The following ATP9B variants were observed in gnomAD, a reference collection of about 807,000 sequenced individuals.
ATP9B encodes the protein ATPase phospholipid transporting 9B, also known as probable phospholipid-transporting ATPase IIB.
A neutral mutation model predicts 146.1 loss-of-function variants in ATP9B; 110 were observed. That is an observed-to-expected ratio of 0.75 (90% CI 0.65 to 0.88). The LOEUF (loss-of-function observed/expected upper bound fraction) is 0.88, where lower values mean the gene tolerates loss of function less well. Among genes scored for constraint, ATP9B ranks in the 40% least tolerant of loss-of-function variants. The pLI, the probability that ATP9B is intolerant of heterozygous loss-of-function variation, is 0.00. For missense variants in ATP9B, 1,499 were observed against 1,496.4 expected (o/e 1.00, Z -0.03); for synonymous variants, 604 against 569.7 (o/e 1.06, Z -0.86).
intron 15 of ATP9B, among the ~76,000 whole-genome samples, chr18:79,325,901 G>T (rs146212368): frequency 0.016 from 2,390 of 150,968 alleles, 22 homozygotes; most frequent in Non-Finnish European, 0.024. Context: ...CCCTCACATG[G>T]TGTTAGGGTG....
intron 7 of ATP9B, among the ~76,000 whole-genome samples, chr18:79,165,265 T>C (rs748506456): frequency 1.6e-4 from 24 of 152,356 alleles, no homozygotes; most frequent in Non-Finnish European, 2.9e-4. Context: ...TACTCTGTTA[T>C]GCCAGTTTGG....
chr18:79,236,972 G>A (rs551343105), intron 11 of ATP9B, among the ~76,000 whole-genome samples: 2 of 97,700 alleles, frequency 2.0e-5, no homozygotes, highest in African/African-American at 1.0e-4. Flanking sequence ...TACACAGTCC[G>A]TGCATGAATC....
chr18:79,335,694 A>G (rs1028555352), intron 17 of ATP9B, among the ~76,000 whole-genome samples: 1 of 152,104 alleles, frequency 6.6e-6, no homozygotes, highest in African/African-American at 2.4e-5. Flanking sequence ...CCTCCCCTCC[A>G]TCACTAACTG....
chr18:79,332,199 G>A (rs1600102415), intron 17 of ATP9B, among the ~76,000 whole-genome samples: 3 of 152,252 alleles, frequency 2.0e-5, no homozygotes, highest in East Asian at 3.8e-4. Flanking sequence ...GGAGGCCAAG[G>A]CGGGCAGATC....
intron 13 of ATP9B, among the ~76,000 whole-genome samples, chr18:79,279,961 G>A (rs992927483): frequency 6.6e-6 from 1 of 152,128 alleles, no homozygotes; most frequent in African/African-American, 2.4e-5. Flanking sequence ...CTCTCCAGCC[G>A]TTTTGCTCCT....
intron 15 of ATP9B, among the ~76,000 whole-genome samples, chr18:79,319,931 A>G (rs910525051): frequency 1.3e-5 from 2 of 152,140 alleles, no homozygotes; most frequent in South Asian, 4.1e-4. Context: ...ATGCAAATAA[A>G]TGGTTGAGAG....
At chr18:79,328,415 A>T (rs1213814444) in intron 15 of ATP9B, among the ~76,000 whole-genome samples, 2 of 152,234 alleles carry the variant, frequency 1.3e-5, no homozygotes, top group Non-Finnish European at 2.9e-5. Context: ...TCAATAAATA[A>T]TTATCAATAA....
intron 29 of ATP9B, 27 bp from the exon 30 acceptor site, chr18:79,377,220 A>T: frequency 1.2e-6 from 2 of 1,609,028 alleles, no homozygotes; most frequent in Non-Finnish European, 1.7e-6. Flanking sequence ...GTCAGCTCTT[A>T]CCTTTTTCTC....
At chr18:79,104,578 A>G (rs1425694231) in intron 2 of ATP9B, among the ~76,000 whole-genome samples, 5 of 151,920 alleles carry the variant, frequency 3.3e-5, no homozygotes, top group African/African-American at 1.2e-4. Flanking sequence ...GTTTTTACCA[A>G]GTGAAATGTA....
At chr18:79,173,536 G>A (rs529548054) in intron 7 of ATP9B, among the ~76,000 whole-genome samples, 2 of 152,112 alleles carry the variant, frequency 1.3e-5, no homozygotes, top group East Asian at 3.9e-4. Flanking sequence ...GGGTTGTTGG[G>A]CTATGTATGT....
intron 4 of ATP9B, among the ~76,000 whole-genome samples, chr18:79,119,553 C>G (rs1459041244): frequency 6.6e-6 from 1 of 152,136 alleles, no homozygotes; most frequent in Non-Finnish European, 1.5e-5. Flanking sequence ...ATAAAAGATA[C>G]TGTTATTCCA....
At chr18:79,143,925 A>G in intron 6 of ATP9B, 65 bp downstream of exon 6, 1 of 972,146 alleles carries the variant, frequency 1.0e-6, no homozygotes, top group Non-Finnish European at 1.5e-6. Flanking sequence ...GCCTGATTAT[A>G]AGTAACTTCT....
At chr18:79,339,989 G>A (rs1213611141) in intron 19 of ATP9B, among the ~76,000 whole-genome samples, 2 of 152,166 alleles carry the variant, frequency 1.3e-5, no homozygotes, top group Non-Finnish European at 2.9e-5. Flanking sequence ...AGAAGCAGAT[G>A]AGCTGGGTGT....
intron 2 of ATP9B, among the ~76,000 whole-genome samples, chr18:79,100,802 A>C (rs2146842185): frequency 6.6e-6 from 1 of 152,282 alleles, no homozygotes; most frequent in African/African-American, 2.4e-5. Flanking sequence ...AAGGAGGAAC[A>C]AGTCACATCT....
chr18:79,084,136 C>T (rs571299593), intron 1 of ATP9B, among the ~76,000 whole-genome samples: 4 of 150,694 alleles, frequency 2.7e-5, no homozygotes, highest in Admixed American at 6.6e-5. Context: ...GGATTACAGG[C>T]GTGAGCCACT....
At chr18:79,074,710 C>T (rs950158180) in intron 1 of ATP9B, among the ~76,000 whole-genome samples, 5 of 152,218 alleles carry the variant, frequency 3.3e-5, no homozygotes, top group African/African-American at 7.2e-5. Context: ...GTCACTGCTG[C>T]CTTCTTACCT....
intron 10 of ATP9B, chr18:79,209,628 A>G (rs1404683597): frequency 2.0e-6 from 2 of 984,982 alleles, no homozygotes; most frequent in Non-Finnish European, 2.4e-6. Flanking sequence ...CATCCTGTCC[A>G]TTCTGTTCTC....
chr18:79,375,341 C>G, intron 28 of ATP9B, 53 bp from the exon 29 acceptor site: 1 of 1,475,846 alleles, frequency 6.8e-7, no homozygotes, highest in East Asian at 2.3e-5. Flanking sequence ...TTGAAATATC[C>G]TGGTATCTCC....
chr18:79,336,851 T>C, intron 18 of ATP9B, 140 bp downstream of exon 18: 1 of 812,344 alleles, frequency 1.2e-6, no homozygotes, highest in Non-Finnish European at 2.0e-6. Flanking sequence ...AGCAGGAGCA[T>C]GGGGTGATCC....
Sources: allele counts gnomAD v4.1 joint callset (sites outside exome capture counted in the v4.1 genomes callset), GRCh38; gene constraint gnomAD v4.1.1; transcripts MANE v1.5; gene names NCBI Gene and HGNC (gene_info 2026-07-23, HGNC 2026-07-21).